TAF12: variants seen among roughly 807,000 people sequenced by gnomAD.
TAF12 encodes the protein TATA-box binding protein associated factor 12.
TAF12 carries 3 observed loss-of-function variants against 20.8 expected under a neutral mutation model. That is an observed-to-expected ratio of 0.14 (90% CI 0.07 to 0.37). The LOEUF is 0.37. TAF12 is among the 10% of genes least tolerant of loss of function. TAF12 has a pLI of 1.00. For synonymous variants in TAF12, 69 were observed against 70.2 expected, an observed-to-expected ratio of 0.98 and a Z score of 0.09; for missense variants, 131 against 197.9, an observed-to-expected ratio of 0.66 and a Z score of 2.03.
chr1:28,621,249 G>A (rs188135289), intron 2 of TAF12, among the ~76,000 whole-genome samples: 98 of 152,112 alleles, frequency 6.4e-4, no homozygotes, highest in African/African-American at 2.2e-3. Context: ...TTGAAATACT[G>A]GGCGAACTCA....
chr1:28,622,617 A>AT (rs1462134587), intron 1 of TAF12, among the ~76,000 whole-genome samples: 11 of 152,186 alleles, frequency 7.2e-5, no homozygotes, highest in African/African-American at 2.7e-4. Context: ...GGCCGCGTGC[A>AT]GTAGCTCATG....
chr1:28,643,150 G>C (rs1668097926), upstream of TAF12: 1 of 980,808 alleles, frequency 1.0e-6, no homozygotes, highest in Admixed American at 6.1e-5. Context: ...GCGGGCGCGC[G>C]CCTCGCTTGC....
intron 3 of TAF12, among the ~76,000 whole-genome samples, 173 bp downstream of exon 3, chr1:28,617,780 A>C (rs946762048): frequency 6.6e-6 from 1 of 151,918 alleles, no homozygotes; most frequent in African/African-American, 2.4e-5. Context: ...TTTTGCAGAG[A>C]CAAGGTCTCA....
upstream of TAF12, among the ~76,000 whole-genome samples, chr1:28,646,696 ATT>A (rs758006645): frequency 4.3e-4 from 54 of 124,884 alleles, no homozygotes; most frequent in Non-Finnish European, 4.3e-4. Flanking sequence ...CACTCGGCCA[ATT>A]TTTTTTTTTT....
At chr1:28,614,448 C>T (rs1489819189) in intron 3 of TAF12, among the ~76,000 whole-genome samples, 1 of 151,798 alleles carries the variant, frequency 6.6e-6, no homozygotes, top group Non-Finnish European at 1.5e-5. Context: ...CTTTGGAAGG[C>T]CAAGGCAGGT....
chr1:28,612,240 AG>A (rs1474860186), intron 4 of TAF12, among the ~76,000 whole-genome samples: 1 of 152,006 alleles, frequency 6.6e-6, no homozygotes, highest in Non-Finnish European at 1.5e-5. Flanking sequence ...AACAGAGGCC[AG>A]GAGTACAAGA....
intron 1 of TAF12, among the ~76,000 whole-genome samples, chr1:28,630,722 G>A (rs1667588949): frequency 6.6e-6 from 1 of 151,986 alleles, no homozygotes; most frequent in Non-Finnish European, 1.5e-5. Flanking sequence ...TAATCAAAAT[G>A]TAAAACTTCT....
At chr1:28,634,644 T>C (rs926035676) in intron 1 of TAF12, among the ~76,000 whole-genome samples, 8 of 151,322 alleles carry the variant, frequency 5.3e-5, no homozygotes, top group Non-Finnish European at 1.2e-4. Context: ...AATAAACCCA[T>C]CTAGGCAAGG....
chr1:28,608,296 G>C (rs992459380), intron 4 of TAF12, among the ~76,000 whole-genome samples: 2 of 150,714 alleles, frequency 1.3e-5, no homozygotes, highest in Non-Finnish European at 2.9e-5. Flanking sequence ...AGTGAGCCAA[G>C]ATCGCGCCAC....
At chr1:28,610,178 A>T (rs369821131) in intron 4 of TAF12, among the ~76,000 whole-genome samples, 1 of 150,958 alleles carries the variant, frequency 6.6e-6, no homozygotes, top group Non-Finnish European at 1.5e-5. Flanking sequence ...GGGTTTCACC[A>T]TCTTGGCCAG....
chr1:28,634,890 T>C lies in TAF12; in HGVS notation c.-85+8102A>G, dbSNP rs950099729. 1.7e-3 allele frequency among the ~76,000 whole-genome samples: 202 copies of C among 121,682 alleles called. No homozygotes were observed. In the Middle Eastern group the frequency reaches 0.051, roughly 31 times the overall value. 79.8% of individuals were successfully genotyped at this position (121,682 alleles called of 152,430 possible). ...GTTGCAGTGAGCCGAGATCACGCCA[T>C]TGCACTCCAGCCTGGGCAACAAGAG... On this transcript the variant is annotated intron_variant, in intron 1 of 5. Transcript: ENST00000373824.
chr1:28,621,359 C>T (rs1667216156), intron 2 of TAF12, among the ~76,000 whole-genome samples: 1 of 152,114 alleles, frequency 6.6e-6, no homozygotes. Flanking sequence ...AAGAATGGAG[C>T]AGATTTTAGA....
intron 1 of TAF12, among the ~76,000 whole-genome samples, chr1:28,640,513 A>G (rs1173301975): frequency 2.0e-5 from 3 of 152,174 alleles, no homozygotes. Context: ...AACCTATTTC[A>G]TTATCTGTAC....
intron 3 of TAF12, 151 bp downstream of exon 3, chr1:28,617,802 A>G: frequency 1.3e-6 from 1 of 775,380 alleles, no homozygotes; most frequent in South Asian, 1.5e-5. Flanking sequence ...TATATGGCCT[A>G]GGCTGGTCTT....
intron 4 of TAF12, among the ~76,000 whole-genome samples, chr1:28,609,204 G>A (rs1161077305): frequency 6.6e-6 from 1 of 151,444 alleles, no homozygotes; most frequent in Non-Finnish European, 1.5e-5. Context: ...AGCCTCCCGA[G>A]TAGCTGGGAT....
At chr1:28,625,092 T>C (rs1275351788) in intron 1 of TAF12, among the ~76,000 whole-genome samples, 1 of 152,236 alleles carries the variant, frequency 6.6e-6, no homozygotes, top group Non-Finnish European at 1.5e-5. Context: ...CATCAAACTG[T>C]ATCCTCATCA....
intron 2 of TAF12, among the ~76,000 whole-genome samples, chr1:28,619,575 G>A (rs1018966691): frequency 2.0e-5 from 3 of 147,280 alleles, no homozygotes; most frequent in African/African-American, 7.5e-5. Context: ...GACCTCCTCA[G>A]TGCCCATTTG....
chr1:28,646,987 C>T (rs988131763), upstream of TAF12, among the ~76,000 whole-genome samples: 6 of 151,962 alleles, frequency 3.9e-5, no homozygotes, highest in Middle Eastern at 3.2e-3. Flanking sequence ...CGTGAGCCAC[C>T]GCACCCGGCC....
At chr1:28,626,290 T>G (rs1667388892) in intron 1 of TAF12, among the ~76,000 whole-genome samples, 1 of 151,904 alleles carries the variant, frequency 6.6e-6, no homozygotes, top group African/African-American at 2.4e-5. Context: ...AGCCTAAATT[T>G]TTTTTAGGGC....
Sources: allele counts gnomAD v4.1 joint callset (sites outside exome capture counted in the v4.1 genomes callset), GRCh38; gene constraint gnomAD v4.1.1; transcripts MANE v1.5; gene names NCBI Gene and HGNC (gene_info 2026-07-23, HGNC 2026-07-21).